FBXO24: variants seen among roughly 807,000 people sequenced by gnomAD.
FBXO24 encodes the protein F-box protein 24.
In FBXO24, 30 loss-of-function variants were observed where a neutral mutation model predicts 63.5. The ratio of observed to expected loss-of-function variants is 0.47; its 90% confidence interval spans 0.35 to 0.64. The LOEUF (loss-of-function observed/expected upper bound fraction) is 0.64. FBXO24 is among the 30% of genes least tolerant of loss of function. The pLI is 0.00. For missense variants in FBXO24, 624 were observed against 763.4 expected (o/e 0.82, Z 2.15); for synonymous variants, 300 against 305.0 (o/e 0.98, Z 0.17).
At chr7:100,599,768 C>G (rs1233252690) in intron 8 of FBXO24, 6 of 466,002 alleles carry the variant, frequency 1.3e-5, no homozygotes, top group Non-Finnish European at 2.4e-5. Context: ...GGGTACACCA[C>G]AGCAGGCCCT....
At position 100,595,521 on chromosome 7, in the gene FBXO24, A is replaced by T. The variant is rs1584429782; in HGVS notation, c.1075-54A>T. On this transcript the variant is annotated intron_variant, in intron 7 of 9. Transcript: ENST00000241071. Reference sequence around the variant, plus strand: ...TAGTGGCTTGGAGACTCTGGAACTCAGAGTTCCTCTGGAGGGAATGGAATC... The same window carrying T: ...TAGTGGCTTGGAGACTCTGGAACTCTGAGTTCCTCTGGAGGGAATGGAATC... The T allele has an allele frequency of 3.9e-6, 6 of 1,522,960 alleles. No individual in the cohort carries two copies. The East Asian group carries it at 1.4e-4, about 35-fold the overall frequency. 94.3% of individuals were successfully genotyped at this position (1,522,960 alleles called of 1,614,324 possible).
In FBXO24 at chr7:100,589,498, T is replaced by A. The variant is rs114284304; in HGVS notation, c.40-479T>A. On this transcript the variant is annotated intron_variant, in intron 1 of 9. Coordinates refer to ENST00000241071, the MANE Select transcript of FBXO24 (RefSeq NM_033506.3). ...TAGAACCCAGGAGCTGTCTAAGAGA[T>A]GGGTCCTGGGCAAGATTAAAGGGAA... is the stretch of plus-strand genomic sequence containing the variant. 8.3e-4 allele frequency: 1,079 copies of A among 1,300,734 alleles called. 6 individuals are homozygous for A. In the African/African-American group the frequency reaches 0.015, roughly 18 times the overall value. The allele number at this position is 1,300,734 out of a possible 1,614,324, so 80.6% of individuals were successfully genotyped here. A position where few individuals can be genotyped will look rare whatever the true frequency, so the allele number is the denominator to read the frequency against.
chr7:100,590,372 G>T lies in FBXO24; in HGVS notation c.322+15G>T. 11 of 1,594,362 alleles carry T rather than the reference G, an allele frequency of 6.9e-6. No individual in the cohort carries two copies. The highest frequency in any genetic ancestry group is 9.4e-6 in the Non-Finnish European group (11 of 1,167,214). On this transcript the variant is annotated intron_variant, in intron 3 of 9. Transcript: ENST00000241071. ...CATTCTGAACTGTACACCTTCCCCA[G>T]AACCTCCCGTTCTCCTTGCCTCTGT... is the stretch of plus-strand genomic sequence containing the variant.
At position 100,589,743 on chromosome 7, in the gene FBXO24, C is replaced by T. The variant is rs374332061; in HGVS notation, c.40-234C>T. ...CAGGATGGTCAGGGGAAGCCAGAGA[C>T]GGAAGCTGCAAAAATTCACCAGGCT... On this transcript the variant is annotated intron_variant, in intron 1 of 9. Coordinates refer to ENST00000241071, the MANE Select transcript of FBXO24 (RefSeq NM_033506.3). The T allele has an allele frequency of 1.3e-4, 196 of 1,546,674 alleles. 2 individuals are homozygous for T. The highest frequency in any genetic ancestry group is 7.8e-4 in the South Asian group (65 of 83,548).
In FBXO24 at chr7:100,590,269, G is replaced by A. The variant is rs1562815793; in HGVS notation, c.234G>A (p.Val78=). ...YFHEVCDGEG[V]WRRICRRLSP... ...ACGAAGTGTGCGATGGGGAAGGCGT[G>A]TGGAGACGCATCTGTCGCAGACTCA... Residue 78 remains valine, a synonymous_variant, in exon 3 of 10, where the codon GTG becomes GTA. Transcript: ENST00000241071. 6.2e-7 allele frequency: 1 copy of A among 1,614,194 alleles called. No individual in the cohort carries two copies. Among genetic ancestry groups the A allele is most frequent in the Non-Finnish European group, 8.5e-7 (1 of 1,180,028 alleles).
At position 100,590,348 on chromosome 7, in the gene FBXO24, A is replaced by G. The variant is rs1479332313; in HGVS notation, c.313A>G (p.Ile105Val). The G allele has an allele frequency of 6.2e-7, 1 of 1,612,184 alleles. No homozygotes were observed. The highest frequency in any genetic ancestry group is 8.5e-7 in the Non-Finnish European group (1 of 1,178,902). ...AGTCCGGCCCTGGAAGAGAGCTGCC[A>G]TTCTGAACTGTACACCTTCCCCAGA... ...SGVRPWKRAAILNYTKGLYFQ... is the reference protein window; with the variant it reads ...SGVRPWKRAAVLNYTKGLYFQ... Residue 105 changes from isoleucine (I) to valine (V), a missense_variant, in exon 3 of 10, where the codon ATT (isoleucine) becomes GTT (valine). By Grantham distance (29) the Ile-to-Val change is conservative. Coordinates refer to ENST00000241071, the MANE Select transcript of FBXO24 (RefSeq NM_033506.3).
In FBXO24 at chr7:100,590,039, A is replaced by G. The variant is rs757161646; in HGVS notation, c.102A>G (p.Gly34=). The G allele has an allele frequency of 3.1e-6, 5 of 1,613,454 alleles. No homozygotes were observed. The Admixed American group carries it at 8.3e-5, about 27-fold the overall frequency. ...ELGVEEKRGK[G]NPISIQLFPP... The stretch of plus-strand genomic sequence containing the variant: ...GGGTTGAAGAGAAGAGGGGGAAAGG[A>G]AATCCGATTTCCATCCAGTTGTTCC... The change falls in exon 2 of 10, where the codon GGA becomes GGG. Residue 34 remains glycine (G), a synonymous_variant. Coordinates refer to ENST00000241071, the MANE Select transcript of FBXO24 (RefSeq NM_033506.3).
Position 100,595,558 on chromosome 7 carries a change from T to C in FBXO24, c.1075-17T>C. The C allele has an allele frequency of 6.4e-7, 1 of 1,570,212 alleles. No homozygotes were observed. The highest frequency in any genetic ancestry group is 8.7e-7 in the Non-Finnish European group (1 of 1,154,140). On this transcript the variant is annotated splice_polypyrimidine_tract_variant and intron_variant, in intron 7 of 9. Transcript: ENST00000241071. ...GAGGGAATGGAATCCCTATCCCCTT[T>C]CTATCTTGCACGCTAGATCCTATTC... is the stretch of plus-strand genomic sequence containing the variant.
Position 100,590,056 on chromosome 7 carries a change from A to G in FBXO24, c.119A>G (p.Gln40Arg). 1 of 1,613,566 alleles carries G rather than the reference A, an allele frequency of 6.2e-7. No individual in the cohort carries two copies. Among genetic ancestry groups the G allele is most frequent in the Non-Finnish European group, 8.5e-7 (1 of 1,179,810 alleles). Residue 40 changes from glutamine to arginine, a missense_variant, in exon 2 of 10, where the codon CAG (glutamine) becomes CGG (arginine). By Grantham distance (43) the Gln-to-Arg change is conservative (BLOSUM62 1). Transcript: ENST00000241071. ...GGGAAAGGAAATCCGATTTCCATCCAGTTGTTCCCCCCAGAGCTGGTGAGT... is the reference window on the plus strand; with the variant it reads ...GGGAAAGGAAATCCGATTTCCATCCGGTTGTTCCCCCCAGAGCTGGTGAGT... The part of the protein sequence containing the change: ...KRGKGNPISI[Q>R]LFPPELVEHI...
chr7:100,592,569 C>T (rs1165061775), intron 4 of FBXO24, among the ~76,000 whole-genome samples: 1 of 152,162 alleles, frequency 6.6e-6, no homozygotes, highest in African/African-American at 2.4e-5. Context: ...CAGAGCCTAA[C>T]CATATCACCA....
At chr7:100,595,525 T>G in intron 7 of FBXO24, 50 bp from the exon 8 acceptor site, 2 of 1,523,312 alleles carry the variant, frequency 1.3e-6, no homozygotes, top group South Asian at 2.6e-5. Context: ...GAACTCAGAG[T>G]TCCTCTGGAG....
intron 4 of FBXO24, chr7:100,592,269 A>AC (rs573177797): frequency 1.5e-3 from 394 of 257,970 alleles, no homozygotes; most frequent in Non-Finnish European, 2.1e-3. Context: ...CGAAAAAAAA[A>AC]GACATACCTG....
intron 1 of FBXO24, among the ~76,000 whole-genome samples, chr7:100,587,376 C>T (rs1801808573): frequency 6.6e-6 from 1 of 152,080 alleles, no homozygotes. Context: ...GATCTCGGCT[C>T]ACAGCAACCT....
chr7:100,593,657 C>T (rs1584426793), intron 5 of FBXO24, among the ~76,000 whole-genome samples: 1 of 148,464 alleles, frequency 6.7e-6, no homozygotes, highest in Non-Finnish European at 1.5e-5. Flanking sequence ...ATTAGCCGGA[C>T]GTGGTGGCAT....
chr7:100,600,059 T>C lies in FBXO24; in HGVS notation c.1235T>C (p.Leu412Pro), dbSNP rs759619690. ...TGTTACCTGCAGCGGCCCATCACCCTGTGGTGCGGCCTCAACCACTCCCTG... is the reference window on the plus strand; with the variant it reads ...TGTTACCTGCAGCGGCCCATCACCCCGTGGTGCGGCCTCAACCACTCCCTG... ...QVCYLQRPIT[L>P]WCGLNHSLVL... The change falls in exon 9 of 10, where the codon CTG (leucine) becomes CCG (proline). Residue 412 changes from leucine (L) to proline (P), a missense_variant. This residue lies in a region of FBXO24 where 216 missense variants were observed against 245.2 expected (regional missense o/e 0.88). Transcript: ENST00000241071. This position sits in a 1 kb window ranked among gnomAD's most constrained non-coding sequence, Gnocchi z 6.3. 1 of 1,543,624 alleles carries C rather than the reference T, an allele frequency of 6.5e-7. No homozygotes were observed. Among genetic ancestry groups the C allele is most frequent in the Non-Finnish European group, 8.8e-7 (1 of 1,136,822 alleles).
At chr7:100,588,303 C>G (rs1801849492) in intron 1 of FBXO24, among the ~76,000 whole-genome samples, 1 of 152,218 alleles carries the variant, frequency 6.6e-6, no homozygotes, top group South Asian at 2.1e-4. Flanking sequence ...ATCTTCCTTT[C>G]TAAGTGGCAT....
At position 100,591,711 on chromosome 7, in the gene FBXO24, T is replaced by C. The variant is rs1425216154; in HGVS notation, c.367T>C (p.Cys123Arg). The C allele has an allele frequency of 1.9e-6, 3 of 1,614,132 alleles. No homozygotes were observed. The highest frequency in any genetic ancestry group is 1.1e-5 in the South Asian group (1 of 91,088). Reference protein sequence around the residue: ...YFQAFGGRRRCLSKSVAPLLA... With the variant: ...YFQAFGGRRRRLSKSVAPLLA... Reference sequence around the variant, plus strand: ...CCAGGCATTTGGAGGCCGCCGCCGATGTCTCAGCAAGAGCGTGGCCCCCTT... The same window carrying C: ...CCAGGCATTTGGAGGCCGCCGCCGACGTCTCAGCAAGAGCGTGGCCCCCTT... The change falls in exon 4 of 10, where the codon TGT becomes CGT. Residue 123 changes from cysteine (C) to arginine (R), a missense_variant. Physicochemically the swap from Cys to Arg is radical, Grantham distance 180. Coordinates refer to ENST00000241071, the MANE Select transcript of FBXO24 (RefSeq NM_033506.3).
chr7:100,600,323 C>T lies in FBXO24; in HGVS notation c.1377+122C>T. ...GGGGTCCCATTTCCCTAGCACCACC[C>T]CACCTCCCTCCTCTGCCGCACACCA... On this transcript the variant is annotated intron_variant, in intron 9 of 9. Coordinates refer to ENST00000241071, the MANE Select transcript of FBXO24 (RefSeq NM_033506.3). The surrounding 1 kb of genome is among the most constrained non-coding windows in gnomAD (Gnocchi z 6.3). 7.4e-7 allele frequency: 1 copy of T among 1,356,924 alleles called. No individual in the cohort carries two copies. The highest frequency in any genetic ancestry group is 9.9e-7 in the Non-Finnish European group (1 of 1,013,638). 84.1% of individuals were successfully genotyped at this position (1,356,924 alleles called of 1,614,324 possible). A position where few individuals can be genotyped will look rare whatever the true frequency, so the allele number is the denominator to read the frequency against.
intron 8 of FBXO24, among the ~76,000 whole-genome samples, chr7:100,596,920 T>C (rs547066228): frequency 1.3e-5 from 2 of 152,154 alleles, no homozygotes; most frequent in African/African-American, 4.8e-5. Flanking sequence ...TGGGTGCTTT[T>C]AGTCCCAGCT....
Sources: allele counts gnomAD v4.1 joint callset (sites outside exome capture counted in the v4.1 genomes callset), GRCh38; gene constraint gnomAD v4.1.1; regional missense constraint gnomAD v4.1.1; non-coding constraint Gnocchi (gnomAD v3.1); transcripts MANE v1.5; gene names NCBI Gene and HGNC (gene_info 2026-07-23, HGNC 2026-07-21).